The following PDZD2 variants were observed in gnomAD, a reference collection of about 807,000 sequenced individuals.
PDZD2 encodes PDZ domain containing 2.
In PDZD2, 90 loss-of-function variants were observed where a neutral mutation model predicts 220.7. That is an observed-to-expected ratio of 0.41 (90% CI 0.34 to 0.49). The LOEUF (loss-of-function observed/expected upper bound fraction) is 0.49, where lower values mean the gene tolerates loss of function less well. Ranked by LOEUF, PDZD2 falls within the 20% of genes least tolerant of loss-of-function variation. PDZD2 has a pLI of 0.28. For synonymous variants in PDZD2, 1,375 were observed against 1,450.5 expected (o/e 0.95, Z 1.18); for missense variants, 3,174 against 3,608.5 (o/e 0.88, Z 3.08).
At chr5:31,716,858 G>A (rs1340863566) in intron 1 of PDZD2, among the ~76,000 whole-genome samples, 1 of 152,130 alleles carries the variant, frequency 6.6e-6, no homozygotes, top group African/African-American at 2.4e-5. Context: ...GGCCTTTGGG[G>A]TGCAGGGGCT....
intron 2 of PDZD2, among the ~76,000 whole-genome samples, chr5:31,927,496 G>A (rs982117440): frequency 3.3e-5 from 5 of 152,142 alleles, no homozygotes; most frequent in African/African-American, 1.2e-4. Context: ...TGATTCTCCT[G>A]CTTCAGCCTC....
chr5:31,964,829 C>T (rs1430368648), intron 2 of PDZD2, among the ~76,000 whole-genome samples: 7 of 152,196 alleles, frequency 4.6e-5, no homozygotes, highest in Admixed American at 1.3e-4. Context: ...CATTCTCCTG[C>T]CTCAGCCTCC....
intron 3 of PDZD2, 140 bp downstream of exon 3, chr5:31,983,796 A>C (rs747239888): frequency 5.9e-6 from 5 of 845,338 alleles, no homozygotes; most frequent in Admixed American, 2.7e-5. Context: ...AGTTGCTTTT[A>C]AGGTTTAAAA....
chr5:31,876,484 G>C (rs1341325101), intron 2 of PDZD2, among the ~76,000 whole-genome samples: 1 of 151,812 alleles, frequency 6.6e-6, no homozygotes, highest in Non-Finnish European at 1.5e-5. Context: ...GTAGAGACAG[G>C]GTTTCACCAT....
intron 1 of PDZD2, among the ~76,000 whole-genome samples, chr5:31,795,596 ATCCAGGGAGG>A (rs1258019525): frequency 6.6e-6 from 1 of 152,186 alleles, no homozygotes; most frequent in South Asian, 2.1e-4. Flanking sequence ...CAGACTAGCC[ATCCAGGGAGG>A]TCAGTATTTC....
At chr5:31,722,712 C>T (rs1748878876) in intron 1 of PDZD2, among the ~76,000 whole-genome samples, 1 of 150,126 alleles carries the variant, frequency 6.7e-6, no homozygotes, top group African/African-American at 2.5e-5. Flanking sequence ...TTTTTTGAGA[C>T]AGAATCTCAT....
intron 1 of PDZD2, among the ~76,000 whole-genome samples, chr5:31,740,868 C>T (rs1226318410): frequency 6.6e-6 from 1 of 152,156 alleles, no homozygotes; most frequent in African/African-American, 2.4e-5. Flanking sequence ...GCATTGTCCT[C>T]GTAAACTTTT....
intron 2 of PDZD2, among the ~76,000 whole-genome samples, chr5:31,960,702 A>G (rs1581164694): frequency 6.6e-6 from 1 of 152,112 alleles, no homozygotes; most frequent in East Asian, 1.9e-4. Context: ...CCCCAAAGCA[A>G]GCCAGTCCCC....
intron 2 of PDZD2, among the ~76,000 whole-genome samples, chr5:31,864,610 C>T (rs1490264766): frequency 6.6e-6 from 1 of 151,856 alleles, no homozygotes; most frequent in African/African-American, 2.4e-5. Flanking sequence ...ACCTCTGCCT[C>T]CCAGGTTCAA....
chr5:32,095,924 T>C (rs169502), intron 21 of PDZD2, among the ~76,000 whole-genome samples: 1,889 of 148,618 alleles, frequency 0.013, 45 homozygotes, highest in African/African-American at 0.045. Flanking sequence ...TTTTTTTTTT[T>C]AGTAGAGACG....
chr5:31,803,261 C>CTTTA (rs1754509888), intron 2 of PDZD2, among the ~76,000 whole-genome samples: 1 of 92,246 alleles, frequency 1.1e-5, no homozygotes, highest in South Asian at 4.0e-4. Context: ...CTGCATCTGG[C>CTTTA]TTTTTTTTTT....
chr5:31,689,347 A>AT (rs1561385104), intron 1 of PDZD2, among the ~76,000 whole-genome samples: 3 of 31,512 alleles, frequency 9.5e-5, no homozygotes, highest in African/African-American at 2.2e-4. Context: ...ATATATATAT[A>AT]TATATATTTT....
chr5:31,798,430 A>G (rs1375030243), intron 1 of PDZD2, among the ~76,000 whole-genome samples: 1 of 152,208 alleles, frequency 6.6e-6, no homozygotes, highest in Non-Finnish European at 1.5e-5. Context: ...TAGTGTTGTC[A>G]GAACAGATTT....
At chr5:31,648,370 TCTC>T (rs1436347206) in intron 1 of PDZD2, among the ~76,000 whole-genome samples, 4 of 152,078 alleles carry the variant, frequency 2.6e-5, no homozygotes, top group African/African-American at 4.8e-5. Flanking sequence ...GTTCTTTCCT[TCTC>T]CTCCTCCCGT....
At chr5:31,689,353 A>ATATATATTTTTTTTTTTTTTTTT in intron 1 of PDZD2, among the ~76,000 whole-genome samples, 1 of 35,142 alleles carries the variant, frequency 2.8e-5, no homozygotes, top group Non-Finnish European at 4.2e-5. Context: ...ATATATATAT[A>ATATATATTTTTTTTTTTTTTTTT]TTTTTTTTTT....
chr5:31,643,825 T>C (rs183596320), intron 1 of PDZD2, among the ~76,000 whole-genome samples: 2 of 149,678 alleles, frequency 1.3e-5, no homozygotes, highest in East Asian at 4.3e-4. Flanking sequence ...AAAATGTGAA[T>C]AATTTTTTTT....
chr5:32,094,596 T>C (rs1743464287), intron 21 of PDZD2, among the ~76,000 whole-genome samples: 1 of 151,706 alleles, frequency 6.6e-6, no homozygotes, highest in South Asian at 2.1e-4. Context: ...TCTCAGCCGC[T>C]GATTTGGGTC....
intron 1 of PDZD2, among the ~76,000 whole-genome samples, chr5:31,795,233 C>CT (rs1440516128): frequency 6.6e-6 from 1 of 152,100 alleles, no homozygotes; most frequent in Non-Finnish European, 1.5e-5. Context: ...GCATCTAAGA[C>CT]TTTTTTTGCC....
At chr5:31,695,264 C>G (rs1025233833) in intron 1 of PDZD2, among the ~76,000 whole-genome samples, 3 of 152,188 alleles carry the variant, frequency 2.0e-5, no homozygotes, top group Non-Finnish European at 2.9e-5. Context: ...TTCCTGGGTG[C>G]CCCCGGCTCA....
Sources: allele counts gnomAD v4.1 joint callset (sites outside exome capture counted in the v4.1 genomes callset), GRCh38; gene constraint gnomAD v4.1.1; transcripts MANE v1.5; gene names NCBI Gene and HGNC (gene_info 2026-07-23, HGNC 2026-07-21).